Variants in GRID2 observed in about 807,000 individuals in gnomAD.
GRID2 encodes the protein glutamate ionotropic receptor delta type subunit 2, also known as glutamate receptor ionotropic, delta-2.
Under a neutral mutation model 114.8 loss-of-function variants are expected in GRID2, and 33 were observed. The ratio of observed to expected loss-of-function variants is 0.29; its 90% CI spans 0.22 to 0.38. The LOEUF is 0.38. Among genes scored for constraint, GRID2 ranks in the 10% least tolerant of loss-of-function variants. The pLI is 1.00. For synonymous variants in GRID2, 505 were observed against 449.9 expected, an observed-to-expected ratio of 1.12 and a Z score of -1.55; for missense variants, 1,184 against 1,257.7, an observed-to-expected ratio of 0.94 and a Z score of 0.89.
At chr4:92,514,909 G>T (rs1210610926) in intron 1 of GRID2, among the ~76,000 whole-genome samples, 1 of 151,822 alleles carries the variant, frequency 6.6e-6, no homozygotes, top group African/African-American at 2.4e-5. Flanking sequence ...TTTCTAAGCA[G>T]TGATATTAGA....
chr4:92,315,992 G>GCAAAAAAAAAAAAAAAAAAAAAAAAA (rs1579166924), intron 1 of GRID2, among the ~76,000 whole-genome samples: 2 of 31,360 alleles, frequency 6.4e-5, no homozygotes, highest in Non-Finnish European at 1.1e-4. Context: ...AAAACAAAAA[G>GCAAAAAAAAAAAAAAAAAAAAAAAAA]CAAAAAAAAA....
chr4:93,746,764 A>G (rs1337391919), intron 14 of GRID2, among the ~76,000 whole-genome samples: 1 of 152,118 alleles, frequency 6.6e-6, no homozygotes, highest in Non-Finnish European at 1.5e-5. Context: ...TTCCTGTTAC[A>G]TAGTCAGGCT....
At chr4:92,814,390 T>C (rs1371632365) in intron 2 of GRID2, among the ~76,000 whole-genome samples, 1 of 152,116 alleles carries the variant, frequency 6.6e-6, no homozygotes, top group Non-Finnish European at 1.5e-5. Context: ...AACCATTGCC[T>C]CTGAAGCTGA....
chr4:92,597,620 G>C (rs1275778561), intron 2 of GRID2, among the ~76,000 whole-genome samples: 1 of 152,142 alleles, frequency 6.6e-6, no homozygotes, highest in South Asian at 2.1e-4. Context: ...TTTGTTGTCT[G>C]TGTTCTTTCT....
intron 8 of GRID2, among the ~76,000 whole-genome samples, chr4:93,267,166 C>CTT (rs34529462): frequency 0.012 from 1,782 of 143,132 alleles, 26 homozygotes; most frequent in African/African-American, 0.035. Flanking sequence ...ACACACATTT[C>CTT]TTTTTTTTTT....
intron 14 of GRID2, among the ~76,000 whole-genome samples, chr4:93,670,575 T>C (rs1474748443): frequency 6.6e-6 from 1 of 152,160 alleles, no homozygotes; most frequent in East Asian, 1.9e-4. Flanking sequence ...TACTTGCCTA[T>C]GGAATAAATG....
At chr4:92,405,968 C>A (rs1013157182) in intron 1 of GRID2, among the ~76,000 whole-genome samples, 5 of 152,064 alleles carry the variant, frequency 3.3e-5, no homozygotes, top group Admixed American at 3.3e-4. Flanking sequence ...CAGTCTGAGT[C>A]CCAAAACTGA....
At position 93,764,002 on chromosome 4, in the gene GRID2, A is replaced by G. The variant is rs566640174; in HGVS notation, c.2361-5208A>G. Among the ~76,000 whole-genome samples, 19 of 152,270 alleles carry G rather than the reference A, an allele frequency of 1.2e-4. 1 individual carries two copies. The South Asian group carries it at 3.7e-3, about 30-fold the overall frequency. On this transcript the variant is annotated intron_variant, in intron 14 of 15. Coordinates refer to ENST00000282020, the MANE Select transcript of GRID2 (RefSeq NM_001510.4). ...ACAAAATCAGAGTGACCTATGTGGG[A>G]TTAGAAATTTGCGTCCAACTTTCAG...
rs1453546682 is a variant in GRID2, at chr4:92,967,678, G to A, written c.245-117317G>A. 2.0e-5 allele frequency among the ~76,000 whole-genome samples: 3 copies of A among 151,932 alleles called. No individual in the cohort carries two copies. The East Asian group carries it at 5.8e-4, about 29-fold the overall frequency. ...CTGTGATGTATTTTAGTTCTATAAT[G>A]AAAATAAAGATGAGCTGTCTTTCAA... On this transcript the variant is annotated intron_variant, in intron 2 of 15. Coordinates refer to ENST00000282020, the MANE Select transcript of GRID2 (RefSeq NM_001510.4).
chr4:93,308,122 T>C (rs931912058), intron 8 of GRID2, among the ~76,000 whole-genome samples: 2 of 152,128 alleles, frequency 1.3e-5, no homozygotes, highest in African/African-American at 4.8e-5. Flanking sequence ...ATAGCCATAA[T>C]AACAAAAATG....
chr4:92,796,788 G>T (rs960340434), intron 2 of GRID2, among the ~76,000 whole-genome samples: 3 of 151,664 alleles, frequency 2.0e-5, no homozygotes, highest in Non-Finnish European at 4.4e-5. Flanking sequence ...CCTTTGCTGG[G>T]ATTAAATTCT....
At chr4:93,371,730 A>T (rs1209552411) in intron 8 of GRID2, among the ~76,000 whole-genome samples, 2 of 150,378 alleles carry the variant, frequency 1.3e-5, no homozygotes, top group African/African-American at 4.9e-5. Context: ...GTATATACAT[A>T]ATCACTATTT....
At chr4:93,488,029 A>T (rs1469117359) in intron 11 of GRID2, among the ~76,000 whole-genome samples, 1 of 152,004 alleles carries the variant, frequency 6.6e-6, no homozygotes, top group African/African-American at 2.4e-5. Context: ...AAACTCAAGT[A>T]TGCTTTTATG....
In GRID2 at chr4:93,682,968, G is replaced by A. The variant is rs186125569; in HGVS notation, c.2360+56533G>A. Reference sequence around the variant, plus strand: ...AAAAAGAAAGAAAAGAAAAACACCCGTATCTGTTTCAGAAGAAAAAAAAAC... The same window carrying A: ...AAAAAGAAAGAAAAGAAAAACACCCATATCTGTTTCAGAAGAAAAAAAAAC... On this transcript the variant is annotated intron_variant, in intron 14 of 15. Coordinates refer to ENST00000282020, the MANE Select transcript of GRID2 (RefSeq NM_001510.4). Among the ~76,000 whole-genome samples, 14 of 150,758 alleles carry A rather than the reference G, an allele frequency of 9.3e-5. No homozygotes were observed. The South Asian group carries it at 1.1e-3, about 11-fold the overall frequency.
At chr4:93,525,995 A>G (rs756782268) in intron 13 of GRID2, among the ~76,000 whole-genome samples, 5 of 152,214 alleles carry the variant, frequency 3.3e-5, no homozygotes, top group Non-Finnish European at 7.3e-5. Context: ...TGGAAAATGC[A>G]TATATATTTT....
rs147188743 is a variant in GRID2, at chr4:92,852,624, T to C, written c.245-232371T>C. Among the ~76,000 whole-genome samples, 897 of 152,042 alleles carry C rather than the reference T, an allele frequency of 5.9e-3. 15 individuals carry two copies. The highest frequency in any genetic ancestry group is 0.021 in the African/African-American group (851 of 41,508). ...TGCAATGATTTTTTTCCACAGTCCT[T>C]GTTATTAGTAAACTCTCCCAGGCCA... On this transcript the variant is annotated intron_variant, in intron 2 of 15. Coordinates refer to ENST00000282020, the MANE Select transcript of GRID2 (RefSeq NM_001510.4).
chr4:93,803,602 G>A (rs1455585364), intron 1 of GRID2, among the ~76,000 whole-genome samples: 1 of 152,000 alleles, frequency 6.6e-6, no homozygotes, highest in Non-Finnish European at 1.5e-5. Flanking sequence ...CGCACCTGTA[G>A]TCCTAGCCAC....
chr4:92,552,643 A>G (rs982840413), intron 1 of GRID2, among the ~76,000 whole-genome samples: 2 of 152,176 alleles, frequency 1.3e-5, no homozygotes, highest in African/African-American at 4.8e-5. Context: ...AAGCTCAGCT[A>G]CAGTAGATGA....
intron 2 of GRID2, among the ~76,000 whole-genome samples, chr4:92,791,128 C>T (rs1025176516): frequency 6.6e-6 from 1 of 151,592 alleles, no homozygotes; most frequent in African/African-American, 2.4e-5. Flanking sequence ...AAAATTATAT[C>T]CCAAATTGCC....
Sources: gnomAD v4.1 joint callset for allele counts (sites outside exome capture counted in the v4.1 genomes callset) on GRCh38, gnomAD v4.1.1 for gene constraint, MANE v1.5 for transcripts, NCBI Gene and HGNC (gene_info 2026-07-23, HGNC 2026-07-21) for gene names.